ALK: variants seen among roughly 807,000 people sequenced by gnomAD.
ALK encodes the protein ALK tyrosine kinase receptor.
Under a neutral mutation model 163.1 loss-of-function variants are expected in ALK, and 74 were observed. The ratio of observed to expected loss-of-function variants is 0.45; its 90% CI spans 0.38 to 0.55. ALK has a LOEUF of 0.55. Among genes scored for constraint, ALK ranks in the 20% least tolerant of loss-of-function variants. The pLI is 0.00. For synonymous variants in ALK, 960 were observed against 843.2 expected, an observed-to-expected ratio of 1.14 and a Z score of -2.40; for missense variants, 2,063 against 2,105.3, an observed-to-expected ratio of 0.98 and a Z score of 0.39.
chr2:29,406,451 C>T (rs1349716949), intron 4 of ALK, among the ~76,000 whole-genome samples: 1 of 152,172 alleles, frequency 6.6e-6, no homozygotes, highest in Non-Finnish European at 1.5e-5. Context: ...CCAAGTTTGC[C>T]TTCAGTAAAC....
chr2:29,512,450 C>CCA, intron 4 of ALK, among the ~76,000 whole-genome samples: 1 of 148,516 alleles, frequency 6.7e-6, no homozygotes, highest in African/African-American at 2.5e-5. Context: ...TTCAACAAGA[C>CCA]TTCATGCTAA....
chr2:29,919,906 G>A, intron 1 of ALK, 87 bp downstream of exon 1: 4 of 1,489,046 alleles, frequency 2.7e-6, no homozygotes, highest in Non-Finnish European at 3.7e-6. Context: ...TTTAGAAAGT[G>A]GGGTGGAAGT....
intron 9 of ALK, chr2:29,286,533 C>T (rs1665861699): frequency 2.0e-5 from 3 of 152,148 alleles, no homozygotes; most frequent in East Asian, 1.9e-4. Context: ...GAAAAAAATA[C>T]GTTTTCCAGG....
chr2:29,687,824 C>T (rs1678282480), intron 3 of ALK, among the ~76,000 whole-genome samples: 1 of 151,998 alleles, frequency 6.6e-6, no homozygotes, highest in African/African-American at 2.4e-5. Flanking sequence ...AATATTTTTA[C>T]AATGTATATG....
intron 4 of ALK, among the ~76,000 whole-genome samples, chr2:29,392,663 CCTCTACAGA>C (rs1669203567): frequency 6.6e-6 from 1 of 152,146 alleles, no homozygotes; most frequent in Non-Finnish European, 1.5e-5. Context: ...GAAGAGTCTA[CCTCTACAGA>C]CTTAGCCTCT....
chr2:29,703,987 C>T (rs1321349305), intron 2 of ALK, among the ~76,000 whole-genome samples: 2 of 152,138 alleles, frequency 1.3e-5, no homozygotes, highest in African/African-American at 2.4e-5. Flanking sequence ...CGTACTGAAC[C>T]ACCAGCTGTC....
At chr2:29,781,123 G>T (rs1336672286) in intron 1 of ALK, among the ~76,000 whole-genome samples, 12 of 152,188 alleles carry the variant, frequency 7.9e-5, no homozygotes, top group Non-Finnish European at 1.5e-4. Flanking sequence ...AGTTCAAGGG[G>T]TAGTGAGAGA....
Position 29,679,444 on chromosome 2 carries a change from T to TTTTC in ALK, c.952+15402_952+15405dup, listed in dbSNP as rs571697841. On this transcript the variant is annotated intron_variant, in intron 3 of 28. Coordinates refer to ENST00000389048, the MANE Select transcript of ALK (RefSeq NM_004304.5). ...TTTTTTCCTTTGTTTCTTCCTTGCTTTTTCTTTCTTTCTTTTCTCTCTGTT... is the reference window on the plus strand; with the variant it reads ...TTTTTTCCTTTGTTTCTTCCTTGCTTTTTCTTTCTTTCTTTCTTTTCTCTCTGTT... Among the ~76,000 whole-genome samples the TTTTC allele has an allele frequency of 3.4e-3, 515 of 151,904 alleles. 4 individuals carry two copies. Among genetic ancestry groups the TTTTC allele is most frequent in the African/African-American group, 0.012 (485 of 41,530 alleles).
intron 4 of ALK, among the ~76,000 whole-genome samples, chr2:29,394,757 C>T (rs543482189): frequency 2.6e-5 from 4 of 152,324 alleles, no homozygotes; most frequent in Admixed American, 1.3e-4. Flanking sequence ...CACCAGCAGC[C>T]AGTGGGAATC....
intron 3 of ALK, among the ~76,000 whole-genome samples, chr2:29,645,818 G>T (rs922443547): frequency 3.3e-5 from 5 of 152,036 alleles, no homozygotes; most frequent in Non-Finnish European, 7.4e-5. Flanking sequence ...GGGCTCTCTT[G>T]GTTTTCCTCC....
At chr2:29,315,806 C>A (rs531480442) in intron 8 of ALK, among the ~76,000 whole-genome samples, 1 of 152,174 alleles carries the variant, frequency 6.6e-6, no homozygotes, top group Non-Finnish European at 1.5e-5. Flanking sequence ...AGATAGTGTA[C>A]GATGACTTTA....
chr2:29,368,795 A>T (rs1438847336), intron 5 of ALK, among the ~76,000 whole-genome samples: 6 of 151,944 alleles, frequency 3.9e-5, no homozygotes, highest in Admixed American at 2.6e-4. Flanking sequence ...TATCCCATGG[A>T]TCACTACTGC....
At chr2:29,523,161 C>G (rs1042547398) in intron 4 of ALK, among the ~76,000 whole-genome samples, 3 of 152,162 alleles carry the variant, frequency 2.0e-5, no homozygotes, top group African/African-American at 7.2e-5. Flanking sequence ...CACGTGGCCA[C>G]AGCTCATCAT....
chr2:29,739,971 T>A (rs988965069), intron 1 of ALK, among the ~76,000 whole-genome samples: 1 of 152,092 alleles, frequency 6.6e-6, no homozygotes, highest in Non-Finnish European at 1.5e-5. Context: ...TTCCAATACA[T>A]GTAATGAAGA....
chr2:29,695,765 A>T (rs192061940), intron 2 of ALK, among the ~76,000 whole-genome samples: 27 of 152,374 alleles, frequency 1.8e-4, no homozygotes, highest in African/African-American at 6.0e-4. Context: ...TATGAAAAAA[A>T]GCTCATCATT....
intron 1 of ALK, among the ~76,000 whole-genome samples, chr2:29,794,602 C>T (rs779588136): frequency 3.9e-5 from 6 of 152,000 alleles, no homozygotes; most frequent in Non-Finnish European, 7.4e-5. Context: ...CACTTAGAGG[C>T]GACTGTAGGG....
At chr2:29,858,200 C>T (rs905530836) in intron 1 of ALK, among the ~76,000 whole-genome samples, 7 of 152,288 alleles carry the variant, frequency 4.6e-5, no homozygotes, top group Non-Finnish European at 8.8e-5. Flanking sequence ...CCTGTATAAC[C>T]ACACCTACCT....
At chr2:29,740,392 GGGT>G (rs1219531019) in intron 1 of ALK, among the ~76,000 whole-genome samples, 7 of 152,136 alleles carry the variant, frequency 4.6e-5, no homozygotes, top group Non-Finnish European at 1.0e-4. Context: ...GACAAACAGA[GGGT>G]GGTTAGAAAG....
chr2:29,433,910 A>G (rs1015031197), intron 4 of ALK, among the ~76,000 whole-genome samples: 2 of 152,222 alleles, frequency 1.3e-5, no homozygotes, highest in African/African-American at 2.4e-5. Flanking sequence ...CCTGTCTGCA[A>G]TTAAGACTTT....
Sources: allele counts gnomAD v4.1 joint callset (sites outside exome capture counted in the v4.1 genomes callset), GRCh38; gene constraint gnomAD v4.1.1; transcripts MANE v1.5; gene names NCBI Gene and HGNC (gene_info 2026-07-23, HGNC 2026-07-21).